Variants in EML6 observed in about 807,000 individuals in gnomAD.
EML6 encodes the protein EMAP like 6.
Under a neutral mutation model 240.1 loss-of-function variants are expected in EML6, and 154 were observed. That is an observed-to-expected ratio of 0.64 (90% CI 0.56 to 0.73). The LOEUF is 0.73. EML6 is among the 30% of genes least tolerant of loss of function. EML6 has a pLI of 0.00. For missense variants in EML6, 2,964 were observed against 2,474.6 expected, an observed-to-expected ratio of 1.20 and a Z score of -4.20; for synonymous variants, 1,148 against 899.0, an observed-to-expected ratio of 1.28 and a Z score of -4.95.
At chr2:54,782,021 C>T (rs1343002909) in intron 2 of EML6, among the ~76,000 whole-genome samples, 2 of 152,150 alleles carry the variant, frequency 1.3e-5, no homozygotes, top group Admixed American at 1.3e-4. Context: ...ACCTTTTCTA[C>T]TTTTAATTAC....
chr2:54,784,226 A>G (rs1336542740), intron 2 of EML6, among the ~76,000 whole-genome samples: 3 of 152,148 alleles, frequency 2.0e-5, no homozygotes, highest in Non-Finnish European at 4.4e-5. Flanking sequence ...GATTATAGGC[A>G]TGAGCCACTG....
At chr2:54,831,226 G>A (rs1247421941) in intron 7 of EML6, among the ~76,000 whole-genome samples, 2 of 152,152 alleles carry the variant, frequency 1.3e-5, no homozygotes, top group African/African-American at 2.4e-5. Context: ...AAACGTTGGG[G>A]AGTACCAACC....
intron 26 of EML6, among the ~76,000 whole-genome samples, chr2:54,923,675 C>T (rs1674386198): frequency 6.6e-6 from 1 of 151,950 alleles, no homozygotes; most frequent in Admixed American, 6.6e-5. Flanking sequence ...CATAAATGTT[C>T]AGTGTTCCAT....
intron 24 of EML6, among the ~76,000 whole-genome samples, chr2:54,908,902 C>T (rs183678401): frequency 3.3e-4 from 50 of 152,230 alleles, no homozygotes; most frequent in Admixed American, 1.1e-3. Context: ...GGGCAGTTCT[C>T]GGGGAAGGGG....
chr2:54,921,813 A>G (rs1438477757), intron 26 of EML6, among the ~76,000 whole-genome samples: 1 of 152,156 alleles, frequency 6.6e-6, no homozygotes, highest in Non-Finnish European at 1.5e-5. Flanking sequence ...GATACCAAAA[A>G]TATACGGTAA....
At chr2:54,840,761 A>G (rs1669401839) in intron 7 of EML6, among the ~76,000 whole-genome samples, 1 of 152,260 alleles carries the variant, frequency 6.6e-6, no homozygotes, top group Non-Finnish European at 1.5e-5. Context: ...TTGAGGATAT[A>G]GCAGTAAATA....
Position 54,968,278 on chromosome 2 carries a change from A to G in EML6, c.5748A>G (p.Lys1916=). 6.4e-7 allele frequency: 1 copy of G among 1,551,692 alleles called. No homozygotes were observed. Among genetic ancestry groups the G allele is most frequent in the South Asian group, 1.2e-5 (1 of 84,056 alleles). Residue 1916 remains lysine (K), a synonymous_variant, in exon 40 of 42, where the codon AAA becomes AAG. Transcript: ENST00000356458. Reference sequence around the variant, plus strand: ...TCTTTGATTTTCCATGCACAGAAAAATTTGTGAGTGTTCCTCAGAGTAACC... The same window carrying G: ...TCTTTGATTTTCCATGCACAGAAAAGTTTGTGAGTGTTCCTCAGAGTAACC... The part of the protein sequence containing the change: ...VKLFDFPCTE[K]FAKHKRYFGH...
chr2:54,913,025 A>G (rs1030512205), intron 25 of EML6, among the ~76,000 whole-genome samples: 2 of 151,286 alleles, frequency 1.3e-5, no homozygotes, highest in African/African-American at 2.4e-5. Context: ...CATTCCCACC[A>G]ACAGTGAATA....
At chr2:54,899,839 A>G in intron 22 of EML6, 57 bp downstream of exon 22, 1 of 1,476,332 alleles carries the variant, frequency 6.8e-7, no homozygotes, top group Non-Finnish European at 9.1e-7. Context: ...AGAATGTGTC[A>G]TATTTATTCA....
At position 54,970,058 on chromosome 2, in the gene EML6, T is replaced by A; in HGVS notation, c.5853-13T>A. On this transcript the variant is annotated splice_polypyrimidine_tract_variant and intron_variant, in intron 41 of 41. Transcript: ENST00000356458. ...CCAGCTATGCAAAATGACTGTTTGA[T>A]CTGCCTTTTCAGTGTATTTGTGTGG... 1 of 1,551,724 alleles carries A rather than the reference T, an allele frequency of 6.4e-7. No individual in the cohort carries two copies. Among genetic ancestry groups the A allele is most frequent in the Admixed American group, 2.0e-5 (1 of 51,008 alleles).
At chr2:54,815,047 C>T (rs905485322) in intron 3 of EML6, among the ~76,000 whole-genome samples, 3 of 152,218 alleles carry the variant, frequency 2.0e-5, no homozygotes, top group African/African-American at 7.2e-5. Context: ...TATGCACCTT[C>T]TCTAATCGGA....
At chr2:54,954,964 TC>T (rs749688115) in intron 32 of EML6, among the ~76,000 whole-genome samples, 4 of 152,168 alleles carry the variant, frequency 2.6e-5, no homozygotes, top group Non-Finnish European at 5.9e-5. Context: ...CTCTGCATCT[TC>T]CCATGGAGGG....
chr2:54,865,100 G>A (rs1670900005), intron 13 of EML6, among the ~76,000 whole-genome samples: 2 of 152,144 alleles, frequency 1.3e-5, no homozygotes, highest in Non-Finnish European at 2.9e-5. Flanking sequence ...TTATACTCTG[G>A]TATCAGGAGA....
intron 36 of EML6, among the ~76,000 whole-genome samples, chr2:54,963,414 C>G (rs1676611982): frequency 6.6e-6 from 1 of 152,228 alleles, no homozygotes; most frequent in South Asian, 2.1e-4. Flanking sequence ...TGGACATGAT[C>G]AGTGCCTACA....
intron 41 of EML6, 69 bp downstream of exon 41, chr2:54,968,837 C>A: frequency 1.2e-6 from 1 of 845,830 alleles, no homozygotes; most frequent in Non-Finnish European, 1.9e-6. Flanking sequence ...TCTCAGGCAT[C>A]CCGTGGGTCA....
At chr2:54,944,244 G>A (rs1268701786) in intron 28 of EML6, among the ~76,000 whole-genome samples, 4 of 152,024 alleles carry the variant, frequency 2.6e-5, no homozygotes, top group African/African-American at 9.7e-5. Context: ...AAAGCTCAAC[G>A]TGCCAAAATT....
chr2:54,728,941 C>T (rs1572828875), intron 2 of EML6, among the ~76,000 whole-genome samples: 1 of 152,154 alleles, frequency 6.6e-6, no homozygotes, highest in Non-Finnish European at 1.5e-5. Flanking sequence ...TTCATCTTCC[C>T]CGCTGGCCCT....
In EML6 at chr2:54,960,375, G is replaced by A. The variant is rs566889173; in HGVS notation, c.4968+41G>A. ...TCCCCTGGGGGCTGGGCCAGGGAAG[G>A]GGGAAGTGTAGGTACCCTCCCAGCC... On this transcript the variant is annotated intron_variant, in intron 35 of 41. Coordinates refer to ENST00000356458, the MANE Select transcript of EML6 (RefSeq NM_001039753.4). 1.7e-4 allele frequency: 245 copies of A among 1,465,148 alleles called. 2 individuals carry two copies. The South Asian group carries it at 2.8e-3, about 17-fold the overall frequency. 90.8% of individuals were successfully genotyped at this position (1,465,148 alleles called of 1,614,324 possible).
At chr2:54,924,561 ATT>A (rs1558691020) in intron 26 of EML6, among the ~76,000 whole-genome samples, 10 of 151,952 alleles carry the variant, frequency 6.6e-5, no homozygotes, top group African/African-American at 2.4e-4. Context: ...TTTTAAAAAA[ATT>A]ATTTATTATT....
Sources: allele counts gnomAD v4.1 joint callset (sites outside exome capture counted in the v4.1 genomes callset), GRCh38; gene constraint gnomAD v4.1.1; transcripts MANE v1.5; gene names NCBI Gene and HGNC (gene_info 2026-07-23, HGNC 2026-07-21).